Variants in CSE1L observed in about 807,000 individuals in gnomAD.
CSE1L encodes exportin-2.
Under a neutral mutation model 120.4 loss-of-function variants are expected in CSE1L, and 24 were observed. The ratio of observed to expected loss-of-function variants is 0.20; its 90% CI spans 0.14 to 0.28. The LOEUF is 0.28. Among genes scored for constraint, CSE1L ranks in the 10% least tolerant of loss-of-function variants. The pLI is 1.00. For synonymous variants in CSE1L, 402 were observed against 398.3 expected, an observed-to-expected ratio of 1.01 and a Z score of -0.11; for missense variants, 830 against 1,145.2, an observed-to-expected ratio of 0.72 and a Z score of 3.97.
At position 49,058,343 on chromosome 20, in the gene CSE1L, C is replaced by G. The variant is rs376566116; in HGVS notation, c.-11-110C>G. The G allele has an allele frequency of 6.1e-6, 4 of 655,690 alleles. No individual in the cohort carries two copies. The East Asian group carries it at 8.6e-5, about 14-fold the overall frequency. The allele number at this position is 655,690 out of a possible 1,614,324, so 40.6% of individuals were successfully genotyped here. ...GGTTTACTGCCCATATAAAAAACAA[C>G]AGATGGATGACTTTCAGAGAGAATA... On this transcript the variant is annotated intron_variant, in intron 1 of 24. Transcript: ENST00000262982.
chr20:49,071,705 G>A (rs2091932783), intron 8 of CSE1L, among the ~76,000 whole-genome samples: 1 of 152,044 alleles, frequency 6.6e-6, no homozygotes, highest in Non-Finnish European at 1.5e-5. Context: ...CAAAACTCCT[G>A]GGCTTGGCCC....
intron 14 of CSE1L, among the ~76,000 whole-genome samples, chr20:49,080,265 T>A (rs1430337648): frequency 6.6e-6 from 1 of 150,460 alleles, no homozygotes; most frequent in African/African-American, 2.4e-5. Context: ...TTTTTTATTT[T>A]TTTTGTTTTT....
rs376073464 is a variant in CSE1L, at chr20:49,065,313, A to ATTTTTTTTTTTTTTTT, written c.229-867_229-852dup. Among the ~76,000 whole-genome samples the ATTTTTTTTTTTTTTTT allele has an allele frequency of 3.3e-3, 174 of 52,092 alleles. 29 individuals carry two copies. The highest frequency in any genetic ancestry group is 7.8e-3 in the South Asian group (9 of 1,154). The allele number at this position is 52,092 out of a possible 152,430, so 34.2% of individuals were successfully genotyped here. A position where few individuals can be genotyped will look rare whatever the true frequency, so the allele number is the denominator to read the frequency against. ...AGTTTACATATGAAATGAAAAAAAA[A>ATTTTTTTTTTTTTTTT]TTTTTTTTTTTTTTTTTTTTTTTTT... On this transcript the variant is annotated intron_variant, in intron 3 of 24. Transcript: ENST00000262982.
At chr20:49,078,473 CTT>C (rs1205919814) in intron 13 of CSE1L, 86 bp from the exon 14 acceptor site, 5 of 863,688 alleles carry the variant, frequency 5.8e-6, no homozygotes, top group South Asian at 4.9e-5. Context: ...GACATTTTAT[CTT>C]TTTTTATAAC....
chr20:49,074,903 T>A, intron 11 of CSE1L, 53 bp downstream of exon 11: 1 of 1,395,760 alleles, frequency 7.2e-7, no homozygotes. Context: ...AGTTTTAAGG[T>A]GGTTCTCTTT....
At chr20:49,072,061 C>T (rs1156852677) in intron 8 of CSE1L, among the ~76,000 whole-genome samples, 1 of 152,066 alleles carries the variant, frequency 6.6e-6, no homozygotes, top group Admixed American at 6.5e-5. Flanking sequence ...CCACTACACT[C>T]AGCCAGAATA....
intron 12 of CSE1L, 76 bp downstream of exon 12, chr20:49,075,596 C>T (rs975425526): frequency 3.5e-6 from 4 of 1,138,346 alleles, no homozygotes; most frequent in Non-Finnish European, 5.2e-6. Context: ...GAAATAACGT[C>T]TCTGATAATA....
chr20:49,063,882 C>T (rs1330082200), intron 3 of CSE1L, among the ~76,000 whole-genome samples: 2 of 152,188 alleles, frequency 1.3e-5, no homozygotes, highest in African/African-American at 2.4e-5. Flanking sequence ...GTATTTTGCC[C>T]TATGTCTTGT....
rs1032491220 is a variant in CSE1L at position 49,096,625 on chromosome 20, T to C, written c.*187T>C. On this transcript the variant is annotated 3_prime_UTR_variant, in exon 25 of 25. Coordinates refer to ENST00000262982, the MANE Select transcript of CSE1L (RefSeq NM_001316.4). ...TTAGTTGGTTTGTGTGATCATACAG[T>C]TATGTGGGTGGCTTCTAGTTTGCAA... The C allele has an allele frequency of 3.3e-6, 2 of 601,808 alleles. No individual in the cohort carries two copies. The highest frequency in any genetic ancestry group is 5.9e-6 in the Non-Finnish European group (2 of 339,716). The allele number at this position is 601,808 out of a possible 1,614,324, so 37.3% of individuals were successfully genotyped here. A position where few individuals can be genotyped will look rare whatever the true frequency, so the allele number is the denominator to read the frequency against.
chr20:49,054,721 A>G (rs1384271393), intron 1 of CSE1L, among the ~76,000 whole-genome samples: 3 of 152,188 alleles, frequency 2.0e-5, no homozygotes, highest in East Asian at 3.8e-4. Flanking sequence ...CACTTTCATT[A>G]CATTTTTACC....
At chr20:49,079,736 A>G (rs1342925928) in intron 14 of CSE1L, among the ~76,000 whole-genome samples, 13 of 152,048 alleles carry the variant, frequency 8.5e-5, no homozygotes, top group African/African-American at 2.9e-4. Flanking sequence ...AGCCTTCCAC[A>G]TACAGATTTT....
At chr20:49,065,532 C>T (rs1600600296) in intron 3 of CSE1L, among the ~76,000 whole-genome samples, 1 of 145,204 alleles carries the variant, frequency 6.9e-6, no homozygotes, top group Non-Finnish European at 1.5e-5. Flanking sequence ...GTTGGCCAGG[C>T]TGGTCTCAAA....
In CSE1L at chr20:49,046,973, A is replaced by G. The variant is rs574863587; in HGVS notation, c.-12+550A>G. ...ACCCTTCTCTAACCTCTGTACTTGT[A>G]TCCCTGACTGTAAAACGGGCATCGT... On this transcript the variant is annotated intron_variant, in intron 1 of 24. Coordinates refer to ENST00000262982, the MANE Select transcript of CSE1L (RefSeq NM_001316.4). Among the ~76,000 whole-genome samples the G allele has an allele frequency of 3.3e-5, 5 of 152,342 alleles. No individual in the cohort carries two copies. In the East Asian group the frequency reaches 5.8e-4, roughly 18 times the overall value.
intron 8 of CSE1L, among the ~76,000 whole-genome samples, chr20:49,071,535 G>A (rs1185224201): frequency 6.6e-6 from 1 of 152,180 alleles, no homozygotes; most frequent in Non-Finnish European, 1.5e-5. Flanking sequence ...CAAGGCTGGA[G>A]TGCAGTGGCA....
rs2091961961 is a variant in CSE1L, at chr20:49,075,372, T to G, written c.1187T>G (p.Phe396Cys). ...GATCTGGTACGAGGATTATGCAAGTTTTTTGAGGGACCTGTGACAGGAATC... is the reference window on the plus strand; with the variant it reads ...GATCTGGTACGAGGATTATGCAAGTGTTTTGAGGGACCTGTGACAGGAATC... The part of the protein sequence containing the change: ...ACDLVRGLCK[F>C]FEGPVTGIFS... The change falls in exon 12 of 25, where the codon TTT (phenylalanine) becomes TGT (cysteine). Residue 396 changes from phenylalanine to cysteine, a missense_variant. By Grantham distance (205) the Phe-to-Cys change is radical. Around this residue, in one of 4 missense-constraint regions of CSE1L, gnomAD observed 543 missense variants for 640.2 expected, o/e 0.85. Transcript: ENST00000262982. The G allele has an allele frequency of 6.2e-7, 1 of 1,614,014 alleles. No homozygotes were observed. The highest frequency in any genetic ancestry group is 1.3e-5 in the African/African-American group (1 of 74,910).
chr20:49,054,208 A>G (rs2091789623), intron 1 of CSE1L, among the ~76,000 whole-genome samples: 1 of 152,240 alleles, frequency 6.6e-6, no homozygotes, highest in Non-Finnish European at 1.5e-5. Flanking sequence ...CAGTCAGAAC[A>G]TTAGCTTCCT....
At chr20:49,082,420 A>C (rs2092020176) in intron 14 of CSE1L, among the ~76,000 whole-genome samples, 1 of 152,110 alleles carries the variant, frequency 6.6e-6, no homozygotes, top group Admixed American at 6.5e-5. Context: ...CTGGGATTAC[A>C]GTCGTGATTC....
intron 24 of CSE1L, among the ~76,000 whole-genome samples, chr20:49,095,318 A>G (rs528557421): frequency 1.3e-5 from 2 of 151,696 alleles, no homozygotes; most frequent in African/African-American, 2.4e-5. Flanking sequence ...GCATTTTTTT[A>G]TTTTTATTTT....
At chr20:49,061,373 C>T (rs905028498) in intron 2 of CSE1L, among the ~76,000 whole-genome samples, 7 of 151,074 alleles carry the variant, frequency 4.6e-5, no homozygotes, top group Non-Finnish European at 7.4e-5. Flanking sequence ...AGGGTTTCAC[C>T]GTGTTAGCCA....
Sources: gnomAD v4.1 joint callset for allele counts (sites outside exome capture counted in the v4.1 genomes callset) on GRCh38, gnomAD v4.1.1 for gene constraint, gnomAD v4.1.1 regional missense constraint, MANE v1.5 for transcripts, NCBI Gene and HGNC (gene_info 2026-07-23, HGNC 2026-07-21) for gene names.